C14orf39: variants seen among roughly 807,000 people sequenced by gnomAD.
The protein encoded by C14orf39 is protein SIX6OS1.
Under a neutral mutation model 85.6 loss-of-function variants are expected in C14orf39, and 66 were observed. The ratio of observed to expected loss-of-function variants is 0.77; its 90% CI spans 0.63 to 0.95. The LOEUF is 0.95. Among genes scored for constraint, C14orf39 ranks in the 40% least tolerant of loss-of-function variants. The probability of loss-of-function intolerance (pLI) is 0.00; values close to 1 mark genes in which losing one functional copy is unlikely to be tolerated. For synonymous variants in C14orf39, 242 were observed against 214.0 expected (o/e 1.13, Z -1.14); for missense variants, 735 against 663.9 (o/e 1.11, Z -1.18).
chr14:60,486,015 C>T lies in C14orf39; in HGVS notation c.-79G>A, dbSNP rs1426011887. On this transcript the variant is annotated 5_prime_UTR_variant, in exon 1 of 18. Transcript: ENST00000321731. ...GGGTCCCAAACTCCACTCAGGACGC[C>T]ACAGCGGATCCTAACTACAAACGGT... The T allele has an allele frequency of 6.5e-6, 1 of 153,204 alleles. No homozygotes were observed. Among genetic ancestry groups the T allele is most frequent in the African/African-American group, 2.4e-5 (1 of 41,594 alleles). 9.5% of individuals were successfully genotyped at this position (153,204 alleles called of 1,614,324 possible).
At chr14:60,482,492 T>C (rs898083786) in intron 4 of C14orf39, among the ~76,000 whole-genome samples, 3 of 152,218 alleles carry the variant, frequency 2.0e-5, no homozygotes, top group Non-Finnish European at 4.4e-5. Context: ...TGTTACTGCA[T>C]AAAATTTTGT....
At chr14:60,469,084 TA>T (rs1489169756) in intron 8 of C14orf39, among the ~76,000 whole-genome samples, 1 of 151,378 alleles carries the variant, frequency 6.6e-6, no homozygotes, top group Non-Finnish European at 1.5e-5. Flanking sequence ...GTTTAAAGGC[TA>T]AACTAGTTCT....
intron 11 of C14orf39, among the ~76,000 whole-genome samples, 177 bp from the exon 12 acceptor site, chr14:60,461,770 A>G (rs899301306): frequency 6.6e-6 from 1 of 152,152 alleles, no homozygotes; most frequent in Non-Finnish European, 1.5e-5. Flanking sequence ...CAAAACATTA[A>G]GTTGAATATT....
At chr14:60,512,017 ATGTACCTATACAAACATATG>A (rs1893302618) in intron 1 of C14orf39, 1 of 3,748 alleles carries the variant, frequency 2.7e-4, no homozygotes, top group Non-Finnish European at 1.9e-3. Context: ...GCATATATGT[ATGTACCTATACAAACATATG>A]TATGTACCTA....
intron 16 of C14orf39, among the ~76,000 whole-genome samples, chr14:60,445,390 A>T (rs1266800831): frequency 6.6e-6 from 1 of 152,206 alleles, no homozygotes; most frequent in Non-Finnish European, 1.5e-5. Flanking sequence ...GCAAACTGAA[A>T]GGAAAAAAAC....
At chr14:60,439,292 G>A (rs1381321462) in intron 17 of C14orf39, among the ~76,000 whole-genome samples, 3 of 152,158 alleles carry the variant, frequency 2.0e-5, no homozygotes, top group Non-Finnish European at 4.4e-5. Flanking sequence ...TTAGGGCAGT[G>A]ACATGGCCAA....
chr14:60,488,717 A>G (rs1892940724), upstream of C14orf39, among the ~76,000 whole-genome samples: 1 of 152,136 alleles, frequency 6.6e-6, no homozygotes. Context: ...CTCATTTCCT[A>G]ATTGACCTTT....
chr14:60,456,133 G>A (rs1458902672), intron 15 of C14orf39, among the ~76,000 whole-genome samples: 2 of 151,988 alleles, frequency 1.3e-5, no homozygotes, highest in Non-Finnish European at 2.9e-5. Context: ...AAACAACCCT[G>A]ATGCAGTGAA....
At chr14:60,465,750 T>C (rs1257708768) in intron 11 of C14orf39, among the ~76,000 whole-genome samples, 1 of 151,972 alleles carries the variant, frequency 6.6e-6, no homozygotes, top group Non-Finnish European at 1.5e-5. Context: ...TTTTTAGGGA[T>C]AAGGGGACAG....
chr14:60,509,831 G>A (rs753099890), intron 1 of C14orf39: 2 of 1,613,906 alleles, frequency 1.2e-6, no homozygotes, highest in Admixed American at 1.7e-5. Flanking sequence ...CCTGCTACGC[G>A]AGTGGTACCT....
intron 17 of C14orf39, among the ~76,000 whole-genome samples, chr14:60,441,467 A>AT (rs1323842853): frequency 1.3e-5 from 2 of 152,182 alleles, no homozygotes; most frequent in African/African-American, 4.8e-5. Context: ...ATTAGATTTA[A>AT]AATCATAATA....
chr14:60,438,009 TTAAA>T (rs1250206742), intron 17 of C14orf39, among the ~76,000 whole-genome samples: 1 of 151,738 alleles, frequency 6.6e-6, no homozygotes, highest in Non-Finnish European at 1.5e-5. Flanking sequence ...TTAATTATCA[TTAAA>T]TAATTTTAAG....
intron 16 of C14orf39, among the ~76,000 whole-genome samples, chr14:60,444,899 T>TG (rs966918911): frequency 1.3e-5 from 2 of 151,816 alleles, no homozygotes; most frequent in African/African-American, 4.8e-5. Flanking sequence ...CAGAAGAGAG[T>TG]GGGGGCCAAT....
In C14orf39 at chr14:60,465,906, A is replaced by C. The variant is rs528726759; in HGVS notation, c.972+73T>G. 1.2e-4 allele frequency: 78 copies of C among 671,382 alleles called. No homozygotes were observed. In the Admixed American group the frequency reaches 2.4e-3, roughly 21 times the overall value. The allele number at this position is 671,382 out of a possible 1,614,324, so 41.6% of individuals were successfully genotyped here. A position where few individuals can be genotyped will look rare whatever the true frequency, so the allele number is the denominator to read the frequency against. ...CACACACACACACGTCTGTGTCTTA[A>C]GGGCAGTACATTCATTATTACATTT... On this transcript the variant is annotated intron_variant, in intron 11 of 17. Transcript: ENST00000321731.
chr14:60,488,163 C>A (rs1035677267), upstream of C14orf39, among the ~76,000 whole-genome samples: 4 of 152,120 alleles, frequency 2.6e-5, no homozygotes, highest in African/African-American at 9.7e-5. Flanking sequence ...TAGTCTACTT[C>A]AATTTAACAC....
intron 16 of C14orf39, among the ~76,000 whole-genome samples, chr14:60,450,468 T>C (rs1293899463): frequency 6.6e-6 from 1 of 152,190 alleles, no homozygotes; most frequent in East Asian, 1.9e-4. Context: ...GGACTTTGTA[T>C]TGTGGTTTGA....
chr14:60,462,340 G>A (rs1205981082), intron 11 of C14orf39, among the ~76,000 whole-genome samples: 1 of 152,086 alleles, frequency 6.6e-6, no homozygotes, highest in Admixed American at 6.6e-5. Flanking sequence ...AGTGAGCCAT[G>A]ATCGCGCCAC....
chr14:60,511,225 G>A, intron 1 of C14orf39: 2 of 1,613,362 alleles, frequency 1.2e-6, no homozygotes, highest in South Asian at 2.2e-5. Flanking sequence ...TCTCCATCAC[G>A]TCCAGCGACA....
At position 60,466,930 on chromosome 14, in the gene C14orf39, T is replaced by C; in HGVS notation, c.882A>G (p.Glu294=). Residue 294 remains glutamate, a synonymous_variant, in exon 10 of 18, where the codon GAA becomes GAG. Coordinates refer to ENST00000321731, the MANE Select transcript of C14orf39 (RefSeq NM_174978.3). ...LVRPIKMHSS[E]PRVADIKEES... ...CAGATATTATACCTGCAACTCTTGG[T>C]TCTGAAGAATGCATCTTTATTGGTC... The C allele has an allele frequency of 2.0e-6, 3 of 1,489,916 alleles. No homozygotes were observed. Among genetic ancestry groups the C allele is most frequent in the Non-Finnish European group, 2.7e-6 (3 of 1,125,492 alleles). 92.3% of individuals were successfully genotyped at this position (1,489,916 alleles called of 1,614,324 possible).
Sources: allele counts gnomAD v4.1 joint callset (sites outside exome capture counted in the v4.1 genomes callset), GRCh38; gene constraint gnomAD v4.1.1; transcripts MANE v1.5; gene names NCBI Gene and HGNC (gene_info 2026-07-23, HGNC 2026-07-21).